Variants in TWIST2 observed in about 807,000 individuals in gnomAD.
The protein encoded by TWIST2 is twist family bHLH transcription factor 2.
A neutral mutation model predicts 11.6 loss-of-function variants in TWIST2; 1 was observed. The ratio of observed to expected loss-of-function variants is 0.09; its 90% CI spans 0.03 to 0.41. The LOEUF (loss-of-function observed/expected upper bound fraction) is 0.41. Ranked by LOEUF, TWIST2 falls within the 10% of genes least tolerant of loss-of-function variation. The pLI is 0.98. For synonymous variants in TWIST2, 87 were observed against 96.6 expected (o/e 0.90, Z 0.58); for missense variants, 168 against 226.4 (o/e 0.74, Z 1.66).
In TWIST2 at chr2:238,864,326, G is replaced by A. The variant is rs1692491864; in HGVS notation, c.*35+15593G>A. Among the ~76,000 whole-genome samples, 1 of 152,222 alleles carries A rather than the reference G, an allele frequency of 6.6e-6. No individual in the cohort carries two copies. Among genetic ancestry groups the A allele is most frequent in the Non-Finnish European group, 1.5e-5 (1 of 68,042 alleles). ...AGACACAGATGCTCACTGCTGTAGAGACATAAAGAAACCAAGAGGTTAACT... is the reference window on the plus strand; with the variant it reads ...AGACACAGATGCTCACTGCTGTAGAAACATAAAGAAACCAAGAGGTTAACT... On this transcript the variant is annotated intron_variant, in intron 1 of 1. Coordinates refer to ENST00000612363, the MANE Select transcript of TWIST2 (RefSeq NM_001271893.4). This position sits in a 1 kb window ranked among gnomAD's most constrained non-coding sequence, Gnocchi z 4.7.
intron 1 of TWIST2, among the ~76,000 whole-genome samples, chr2:238,896,365 T>C (rs2106371336): frequency 6.6e-6 from 1 of 152,186 alleles, no homozygotes; most frequent in East Asian, 1.9e-4. Context: ...CAGGCTGCGC[T>C]GGAATCACAG....
In TWIST2 at chr2:238,905,897, G is replaced by GCA. The variant is rs1693338532; in HGVS notation, c.*36-3945_*36-3944insCA. On this transcript the variant is annotated intron_variant, in intron 1 of 1. Coordinates refer to ENST00000612363, the MANE Select transcript of TWIST2 (RefSeq NM_001271893.4). ...TGTGTGTGCATGTGCGCGCATGCGC[G>GCA]TGTGTGCGTGTGTGTGCGTGCAGGT... Among the ~76,000 whole-genome samples the GCA allele has an allele frequency of 3.3e-5, 4 of 120,258 alleles. No individual in the cohort carries two copies. The South Asian group carries it at 1.2e-3, about 36-fold the overall frequency. 78.9% of individuals were successfully genotyped at this position (120,258 alleles called of 152,430 possible).
intron 1 of TWIST2, among the ~76,000 whole-genome samples, chr2:238,895,762 G>A (rs2106371120): frequency 6.6e-6 from 1 of 152,320 alleles, no homozygotes; most frequent in South Asian, 2.1e-4. Flanking sequence ...GGAGAGCCTG[G>A]GGGTTGCCAG....
intron 1 of TWIST2, among the ~76,000 whole-genome samples, chr2:238,879,201 T>C (rs1692861172): frequency 6.6e-6 from 1 of 152,032 alleles, no homozygotes; most frequent in Admixed American, 6.5e-5. Context: ...CCTAGACCCA[T>C]GTGTCTTAGA....
chr2:238,857,108 G>C (rs1253120597), intron 1 of TWIST2, among the ~76,000 whole-genome samples: 1 of 152,154 alleles, frequency 6.6e-6, no homozygotes, highest in Non-Finnish European at 1.5e-5. Flanking sequence ...GAGGGAGCTT[G>C]GGTTGGCCTG....
intron 1 of TWIST2, among the ~76,000 whole-genome samples, chr2:238,902,526 G>T (rs1276146774): frequency 6.7e-6 from 1 of 148,566 alleles, no homozygotes; most frequent in Non-Finnish European, 1.5e-5. Flanking sequence ...TGTAGTATGG[G>T]GTGTGTGTGT....
chr2:238,886,095 CAAAAA>C (rs67714100), intron 1 of TWIST2, among the ~76,000 whole-genome samples: 1 of 123,256 alleles, frequency 8.1e-6, no homozygotes. Flanking sequence ...GACTCCATCT[CAAAAA>C]AAAAAAAAAA....
At chr2:238,854,278 T>C (rs1692292309) in intron 1 of TWIST2, among the ~76,000 whole-genome samples, 1 of 152,190 alleles carries the variant, frequency 6.6e-6, no homozygotes, top group African/African-American at 2.4e-5. Flanking sequence ...TGGGAGGAAA[T>C]GGTAAATTTT....
At chr2:238,900,399 G>T (rs1693255049) in intron 1 of TWIST2, among the ~76,000 whole-genome samples, 1 of 152,202 alleles carries the variant, frequency 6.6e-6, no homozygotes, top group Non-Finnish European at 1.5e-5. Context: ...GCCCCCAGTT[G>T]ACTGTGGGCC....
At chr2:238,854,018 A>G (rs1277852253) in intron 1 of TWIST2, among the ~76,000 whole-genome samples, 1 of 152,170 alleles carries the variant, frequency 6.6e-6, no homozygotes, top group Non-Finnish European at 1.5e-5. Context: ...TTGACCAGGG[A>G]AAGATTCAGA....
At chr2:238,884,218 T>C (rs535412912) in intron 1 of TWIST2, among the ~76,000 whole-genome samples, 1 of 152,316 alleles carries the variant, frequency 6.6e-6, no homozygotes, top group African/African-American at 2.4e-5. Context: ...TGGGCTGAAG[T>C]GCCAGTGGGC....
intron 1 of TWIST2, among the ~76,000 whole-genome samples, chr2:238,895,664 G>A (rs1042608816): frequency 7.9e-5 from 12 of 152,200 alleles, no homozygotes; most frequent in Non-Finnish European, 1.5e-4. Context: ...GTGGGGAAAC[G>A]GGAAGGTCTC....
intron 1 of TWIST2, among the ~76,000 whole-genome samples, chr2:238,902,681 TG>T (rs1693285834): frequency 1.4e-5 from 2 of 144,400 alleles, no homozygotes; most frequent in African/African-American, 5.2e-5. Context: ...ATGTGGGGTG[TG>T]TGTGATATGG....
At chr2:238,880,744 AGTGTTG>A (rs1362034401) in intron 1 of TWIST2, among the ~76,000 whole-genome samples, 1 of 110,222 alleles carries the variant, frequency 9.1e-6, no homozygotes, top group Admixed American at 9.6e-5. Context: ...TATTAGTGTT[AGTGTTG>A]GTGTTAATAT....
intron 1 of TWIST2, among the ~76,000 whole-genome samples, chr2:238,856,295 C>T (rs974951318): frequency 2.6e-5 from 4 of 152,170 alleles, no homozygotes; most frequent in African/African-American, 9.7e-5. Context: ...TTCTTTCAGA[C>T]TATTTTTTTC....
intron 1 of TWIST2, among the ~76,000 whole-genome samples, chr2:238,860,186 G>C (rs1166399330): frequency 1.3e-5 from 2 of 152,238 alleles, no homozygotes; most frequent in Non-Finnish European, 2.9e-5. Flanking sequence ...GCCACCTCCA[G>C]AGTCATGGGA....
chr2:238,854,588 T>G (rs1692297483), intron 1 of TWIST2, among the ~76,000 whole-genome samples: 2 of 152,242 alleles, frequency 1.3e-5, no homozygotes, highest in Non-Finnish European at 2.9e-5. Context: ...GAGATCCTTT[T>G]GCTCTCTTCC....
chr2:238,898,465 G>C (rs957026214), intron 1 of TWIST2, among the ~76,000 whole-genome samples: 5 of 152,262 alleles, frequency 3.3e-5, no homozygotes, highest in Non-Finnish European at 7.3e-5. Flanking sequence ...CAACTGGGTA[G>C]CAAGAACTTA....
At chr2:238,869,715 G>A (rs1215148253) in intron 1 of TWIST2, among the ~76,000 whole-genome samples, 1 of 152,122 alleles carries the variant, frequency 6.6e-6, no homozygotes, top group Non-Finnish European at 1.5e-5. Flanking sequence ...AGGCTGAGGC[G>A]GGAGGATTGC....
Sources: gnomAD v4.1 joint callset for allele counts (sites outside exome capture counted in the v4.1 genomes callset) on GRCh38, gnomAD v4.1.1 for gene constraint, Gnocchi (gnomAD v3.1) non-coding constraint, MANE v1.5 for transcripts, NCBI Gene and HGNC (gene_info 2026-07-23, HGNC 2026-07-21) for gene names.